The following RBFOX3 variants were observed in gnomAD, a reference collection of about 807,000 sequenced individuals.
The protein encoded by RBFOX3 is RNA binding fox-1 homolog 3.
A neutral mutation model predicts 48.7 loss-of-function variants in RBFOX3; 17 were observed. The observed-to-expected ratio is 0.35, with a 90% CI of 0.24 to 0.52. The LOEUF (loss-of-function observed/expected upper bound fraction) is 0.52. RBFOX3 is among the 20% of genes least tolerant of loss of function. The pLI is 0.94. For missense variants in RBFOX3, 382 were observed against 497.5 expected, an observed-to-expected ratio of 0.77 and a Z score of 2.21; for synonymous variants, 212 against 209.5, an observed-to-expected ratio of 1.01 and a Z score of -0.10.
chr17:79,197,462 C>T (rs2055868952), intron 4 of RBFOX3, among the ~76,000 whole-genome samples: 1 of 149,848 alleles, frequency 6.7e-6, no homozygotes, highest in South Asian at 2.1e-4. Flanking sequence ...GATCTCGGCT[C>T]ACCGCAACCT....
the RBFOX3 span, among the ~76,000 whole-genome samples, chr17:79,663,487 G>A: frequency 6.6e-6 from 1 of 152,160 alleles, no homozygotes; most frequent in Non-Finnish European, 1.5e-5. Flanking sequence ...ACCTTGCCAA[G>A]GACTTCTGAG....
At chr17:79,611,130 T>TCCCTCTCTCTC (rs1491548376), upstream of RBFOX3, among the ~76,000 whole-genome samples, 1 of 37,846 alleles carries the variant, frequency 2.6e-5, no homozygotes, top group Admixed American at 2.4e-4. Flanking sequence ...TCCGCCCTCC[T>TCCCTCTCTCTC]TCTCTCTCTC....
At chr17:79,595,783 G>A (rs1366213249) in intron 1 of RBFOX3, among the ~76,000 whole-genome samples, 4 of 152,312 alleles carry the variant, frequency 2.6e-5, no homozygotes, top group East Asian at 1.9e-4. Context: ...CAGATTCTTG[G>A]ATTCTGCAAA....
intron 3 of RBFOX3, among the ~76,000 whole-genome samples, chr17:79,264,124 C>G (rs142082216): frequency 1.3e-5 from 2 of 149,142 alleles, no homozygotes; most frequent in African/African-American, 4.9e-5. Context: ...CGGAGTTTTG[C>G]TCTTGTTGCC....
chr17:79,367,227 C>T (rs2057898356), intron 2 of RBFOX3, among the ~76,000 whole-genome samples: 1 of 149,764 alleles, frequency 6.7e-6, no homozygotes, highest in African/African-American at 2.5e-5. Context: ...CCTCTCCCTC[C>T]TCCCCTCCCC....
At chr17:79,353,865 A>G (rs2084434136) in intron 2 of RBFOX3, among the ~76,000 whole-genome samples, 1 of 152,140 alleles carries the variant, frequency 6.6e-6, no homozygotes, top group Admixed American at 6.5e-5. Flanking sequence ...CCTGCAGATG[A>G]GGTGTGCAGT....
At chr17:79,327,448 T>C (rs2079505269) in intron 2 of RBFOX3, among the ~76,000 whole-genome samples, 1 of 152,208 alleles carries the variant, frequency 6.6e-6, no homozygotes, top group Admixed American at 6.5e-5. Flanking sequence ...GTCGGTGGCC[T>C]GAGCGATGGT....
At chr17:79,246,733 C>T (rs551180687) in intron 3 of RBFOX3, among the ~76,000 whole-genome samples, 670 of 152,284 alleles carry the variant, frequency 4.4e-3, no homozygotes, top group African/African-American at 0.015. Flanking sequence ...TCTTTGAGAC[C>T]TGAAGAGGCA....
chr17:79,531,510 C>T (rs2087770243), intron 1 of RBFOX3, among the ~76,000 whole-genome samples: 1 of 152,120 alleles, frequency 6.6e-6, no homozygotes, highest in African/African-American at 2.4e-5. Context: ...TCTGAGTGCA[C>T]GGGGGAGACG....
chr17:79,219,853 G>T (rs2059500462), intron 4 of RBFOX3, among the ~76,000 whole-genome samples: 2 of 152,048 alleles, frequency 1.3e-5, no homozygotes, highest in African/African-American at 4.8e-5. Context: ...GGTGTGCTGG[G>T]TTCCTGGGAG....
chr17:79,464,604 T>C (rs781875314), intron 2 of RBFOX3, among the ~76,000 whole-genome samples: 3 of 152,194 alleles, frequency 2.0e-5, no homozygotes, highest in Non-Finnish European at 4.4e-5. Flanking sequence ...GGCAACTCTT[T>C]TTATAGCAAG....
chr17:79,343,866 AT>A (rs1341530527), intron 2 of RBFOX3, among the ~76,000 whole-genome samples: 1 of 152,150 alleles, frequency 6.6e-6, no homozygotes, highest in Non-Finnish European at 1.5e-5. Context: ...CGGGGCAGGA[AT>A]TGGACACAGC....
chr17:79,208,093 G>A (rs1016527829), intron 4 of RBFOX3, among the ~76,000 whole-genome samples: 5 of 151,942 alleles, frequency 3.3e-5, no homozygotes, highest in African/African-American at 1.2e-4. Flanking sequence ...GGAGGGAAAG[G>A]CTTATTTACA....
chr17:79,296,305 C>CA (rs1056663675), intron 3 of RBFOX3, among the ~76,000 whole-genome samples: 73 of 130,502 alleles, frequency 5.6e-4, no homozygotes, highest in African/African-American at 1.8e-3. Flanking sequence ...CACACACACA[C>CA]CACACACACA....
intron 3 of RBFOX3, among the ~76,000 whole-genome samples, chr17:79,271,108 T>C (rs2067607948): frequency 6.6e-6 from 1 of 151,996 alleles, no homozygotes; most frequent in Admixed American, 6.6e-5. Flanking sequence ...GGAGTTTTGC[T>C]GTTGTCACCC....
intron 2 of RBFOX3, among the ~76,000 whole-genome samples, chr17:79,338,464 G>A (rs545521526): frequency 6.6e-6 from 1 of 152,286 alleles, no homozygotes; most frequent in East Asian, 1.9e-4. Context: ...GGTGATGCTG[G>A]TGAGATGGGA....
chr17:79,388,453 A>T (rs780615015), intron 2 of RBFOX3, among the ~76,000 whole-genome samples: 3 of 152,324 alleles, frequency 2.0e-5, no homozygotes, highest in East Asian at 1.9e-4. Context: ...CACACATGGA[A>T]TCGTTTTCAG....
chr17:79,388,237 G>C (rs895099511), intron 2 of RBFOX3, among the ~76,000 whole-genome samples: 4 of 152,226 alleles, frequency 2.6e-5, no homozygotes, highest in Admixed American at 1.3e-4. Flanking sequence ...CTGTGACTGG[G>C]GTGGGGGCTC....
intron 4 of RBFOX3, among the ~76,000 whole-genome samples, chr17:79,147,958 A>G (rs1005835725): frequency 1.4e-4 from 21 of 152,356 alleles, no homozygotes; most frequent in African/African-American, 4.6e-4. Context: ...TGACCTGTGA[A>G]TATTTCATTA....
Sources: allele counts gnomAD v4.1 joint callset (sites outside exome capture counted in the v4.1 genomes callset), GRCh38; gene constraint gnomAD v4.1.1; transcripts MANE v1.5; gene names NCBI Gene and HGNC (gene_info 2026-07-23, HGNC 2026-07-21).